TNKS: variants seen among roughly 807,000 people sequenced by gnomAD.
The protein encoded by TNKS is tankyrase.
A neutral mutation model predicts 135.8 loss-of-function variants in TNKS; 72 were observed. The observed-to-expected ratio is 0.53, with a 90% confidence interval of 0.44 to 0.64. TNKS has a LOEUF of 0.64. Ranked by LOEUF, TNKS falls within the 30% of genes least tolerant of loss-of-function variation. The pLI, the probability that TNKS is intolerant of heterozygous loss-of-function variation, is 0.00. For synonymous variants in TNKS, 849 were observed against 649.3 expected (o/e 1.31, Z -4.68); for missense variants, 1,769 against 1,674.0 (o/e 1.06, Z -0.99).
At chr8:9,634,510 T>G (rs1383005543) in intron 3 of TNKS, among the ~76,000 whole-genome samples, 2 of 152,226 alleles carry the variant, frequency 1.3e-5, no homozygotes, top group African/African-American at 4.8e-5. Context: ...CAGTGTGTGG[T>G]GTAGTAATTC....
intron 3 of TNKS, among the ~76,000 whole-genome samples, chr8:9,653,574 T>C (rs1461750982): frequency 1.3e-5 from 2 of 151,794 alleles, no homozygotes; most frequent in Non-Finnish European, 2.9e-5. Flanking sequence ...AACCACACTT[T>C]ATAACAACTC....
At chr8:9,619,334 T>G (rs1019692727) in intron 3 of TNKS, among the ~76,000 whole-genome samples, 1 of 152,164 alleles carries the variant, frequency 6.6e-6, no homozygotes, top group African/African-American at 2.4e-5. Flanking sequence ...TGAAGGAGAT[T>G]CTCTGGGCAG....
At position 9,656,681 on chromosome 8, in the gene TNKS, A is replaced by G. The variant is rs1489570108; in HGVS notation, c.995-23270A>G. On this transcript the variant is annotated intron_variant, in intron 3 of 26. Transcript: ENST00000310430. Reference sequence around the variant, plus strand: ...TGTTTCTCACAGAGGGGGATTTGGCAGGGTCATGGGACAATAGTGGAGGGA... The same window carrying G: ...TGTTTCTCACAGAGGGGGATTTGGCGGGGTCATGGGACAATAGTGGAGGGA... Among the ~76,000 whole-genome samples the G allele has an allele frequency of 7.9e-3, 1,168 of 147,932 alleles. 13 individuals carry two copies. Among genetic ancestry groups the G allele is most frequent in the African/African-American group, 0.028 (1,120 of 39,634 alleles).
At chr8:9,699,890 C>T (rs1803715226) in intron 5 of TNKS, among the ~76,000 whole-genome samples, 1 of 152,212 alleles carries the variant, frequency 6.6e-6, no homozygotes, top group African/African-American at 2.4e-5. Context: ...CTTAGGCTCT[C>T]CCCAGTCTCA....
At chr8:9,763,839 T>C (rs1235784204) in intron 22 of TNKS, among the ~76,000 whole-genome samples, 1 of 152,162 alleles carries the variant, frequency 6.6e-6, no homozygotes, top group South Asian at 2.1e-4. Flanking sequence ...ATAAGTAAGC[T>C]ACCCAATTGT....
rs569344310 is a variant in TNKS at position 9,769,838 on chromosome 8, T to A, written c.3741-268T>A. On this transcript the variant is annotated intron_variant, in intron 25 of 26. Transcript: ENST00000310430. Reference sequence around the variant, plus strand: ...GTTTTTACCGTGTTAGCCAGGATGGTCTTGATCTCCCTAGCAGGCATTTTC... The same window carrying A: ...GTTTTTACCGTGTTAGCCAGGATGGACTTGATCTCCCTAGCAGGCATTTTC... Among the ~76,000 whole-genome samples, 5 of 152,122 alleles carry A rather than the reference T, an allele frequency of 3.3e-5. No individual in the cohort carries two copies. The East Asian group carries it at 7.8e-4, about 24-fold the overall frequency.
intron 2 of TNKS, among the ~76,000 whole-genome samples, chr8:9,601,232 G>GT (rs980685075): frequency 2.6e-5 from 4 of 152,120 alleles, no homozygotes; most frequent in East Asian, 1.9e-4. Flanking sequence ...AGCTGAAGTA[G>GT]TTTTTTTATC....
At chr8:9,720,279 A>G (rs983211391) in intron 11 of TNKS, 95 bp from the exon 12 acceptor site, 126 of 1,142,580 alleles carry the variant, frequency 1.1e-4, no homozygotes, top group Non-Finnish European at 1.4e-4. Flanking sequence ...AAGCTTTGAA[A>G]GTTGATTTTT....
intron 17 of TNKS, among the ~76,000 whole-genome samples, chr8:9,746,503 T>C (rs921861373): frequency 1.2e-4 from 18 of 152,178 alleles, no homozygotes; most frequent in Admixed American, 6.5e-4. Context: ...ATTTTTCCTT[T>C]TGTCTCCTCT....
intron 2 of TNKS, among the ~76,000 whole-genome samples, chr8:9,592,070 G>A (rs1314827116): frequency 3.9e-5 from 6 of 152,028 alleles, no homozygotes; most frequent in African/African-American, 1.5e-4. Flanking sequence ...AAAGCCAGGT[G>A]GACTTTAACT....
intron 1 of TNKS, among the ~76,000 whole-genome samples, chr8:9,576,804 C>T (rs1450711179): frequency 6.6e-6 from 1 of 151,800 alleles, no homozygotes; most frequent in Non-Finnish European, 1.5e-5. Context: ...TAGATTGAAC[C>T]ATATGAAGTT....
chr8:9,630,952 T>C (rs963424604), intron 3 of TNKS, among the ~76,000 whole-genome samples: 2 of 152,206 alleles, frequency 1.3e-5, no homozygotes, highest in African/African-American at 4.8e-5. Flanking sequence ...CTGTATTTTC[T>C]CCTTGACGAA....
intron 1 of TNKS, 67 bp downstream of exon 1, chr8:9,556,679 A>G (rs750533130): frequency 1.3e-6 from 2 of 1,581,648 alleles, no homozygotes; most frequent in East Asian, 4.5e-5. Context: ...TAGGACAAGA[A>G]AACAGGTTAT....
chr8:9,720,428 G>C lies in TNKS; in HGVS notation c.1804G>C (p.Gly602Arg). 1 of 1,614,074 alleles carries C rather than the reference G, an allele frequency of 6.2e-7. No homozygotes were observed. The highest frequency in any genetic ancestry group is 8.5e-7 in the Non-Finnish European group (1 of 1,179,996). ...TGCTTTGCATAGAGCCGCCCTAGCA[G>C]GTCACCTGCAGACCTGCCGCCTCCT... ...QTALHRAALA[G>R]HLQTCRLLLS... The change falls in exon 12 of 27, where the codon GGT becomes CGT. Residue 602 changes from glycine (G) to arginine (R), a missense_variant. Coordinates refer to ENST00000310430, the MANE Select transcript of TNKS (RefSeq NM_003747.3).
intron 3 of TNKS, among the ~76,000 whole-genome samples, chr8:9,624,456 A>G (rs1456142483): frequency 1.3e-5 from 2 of 152,164 alleles, no homozygotes; most frequent in Non-Finnish European, 2.9e-5. Flanking sequence ...TTCCCATGCA[A>G]TTGTTAGAAG....
chr8:9,582,176 C>G (rs960890544), intron 2 of TNKS, among the ~76,000 whole-genome samples: 2 of 152,162 alleles, frequency 1.3e-5, no homozygotes, highest in Admixed American at 6.5e-5. Context: ...GAGGTTTATT[C>G]TGAGGTTCAC....
chr8:9,583,043 T>C (rs191964980), intron 2 of TNKS, among the ~76,000 whole-genome samples: 1 of 151,664 alleles, frequency 6.6e-6, no homozygotes, highest in African/African-American at 2.4e-5. Flanking sequence ...GGCGGGCACC[T>C]ATTGTCCCAG....
At chr8:9,753,856 C>T (rs1212406381) in intron 20 of TNKS, among the ~76,000 whole-genome samples, 1 of 152,194 alleles carries the variant, frequency 6.6e-6, no homozygotes, top group African/African-American at 2.4e-5. Context: ...TACGCTTACC[C>T]TGTTTTGCAC....
intron 1 of TNKS, among the ~76,000 whole-genome samples, chr8:9,572,185 G>T (rs1206652032): frequency 6.6e-6 from 1 of 152,108 alleles, no homozygotes; most frequent in African/African-American, 2.4e-5. Flanking sequence ...TAGAGATTTT[G>T]CATATCTGAG....
Sources: gnomAD v4.1 joint callset for allele counts (sites outside exome capture counted in the v4.1 genomes callset) on GRCh38, gnomAD v4.1.1 for gene constraint, MANE v1.5 for transcripts, NCBI Gene and HGNC (gene_info 2026-07-23, HGNC 2026-07-21) for gene names.